The following DNM3 variants were observed in gnomAD, a reference collection of about 807,000 sequenced individuals.
DNM3 encodes the protein dynamin-3.
DNM3 carries 47 observed loss-of-function variants against 101.6 expected under a neutral mutation model. That is an observed-to-expected ratio of 0.46 (90% CI 0.37 to 0.59). The LOEUF is 0.59. Among genes scored for constraint, DNM3 ranks in the 20% least tolerant of loss-of-function variants. The pLI is 0.00. For synonymous variants in DNM3, 385 were observed against 387.9 expected (o/e 0.99, Z 0.09); for missense variants, 849 against 1,085.7 (o/e 0.78, Z 3.06).
At chr1:172,116,870 C>A (rs781250131) in intron 13 of DNM3, among the ~76,000 whole-genome samples, 1 of 152,156 alleles carries the variant, frequency 6.6e-6, no homozygotes, top group South Asian at 2.1e-4. Context: ...TTTCTTAGAA[C>A]GTACTTTGAG....
intron 14 of DNM3, among the ~76,000 whole-genome samples, chr1:172,167,931 T>A (rs943893306): frequency 6.6e-6 from 1 of 152,026 alleles, no homozygotes; most frequent in Non-Finnish European, 1.5e-5. Flanking sequence ...AGATTTTTTT[T>A]AAGTGCAATT....
At chr1:171,873,636 CT>C (rs2035495901) in intron 1 of DNM3, among the ~76,000 whole-genome samples, 2 of 152,136 alleles carry the variant, frequency 1.3e-5, no homozygotes, top group South Asian at 4.1e-4. Flanking sequence ...TTAATTGTGT[CT>C]CATCTCCTCA....
At chr1:171,849,462 G>A (rs2032640384) in intron 1 of DNM3, among the ~76,000 whole-genome samples, 1 of 152,168 alleles carries the variant, frequency 6.6e-6, no homozygotes, top group Non-Finnish European at 1.5e-5. Flanking sequence ...ATTTAGACTG[G>A]ACATTTTTTG....
chr1:172,242,259 A>G (rs1573097068), intron 14 of DNM3, among the ~76,000 whole-genome samples: 1 of 152,228 alleles, frequency 6.6e-6, no homozygotes, highest in Non-Finnish European at 1.5e-5. Flanking sequence ...ACATTTTAGT[A>G]TGTAGACTTT....
intron 13 of DNM3, among the ~76,000 whole-genome samples, chr1:172,101,038 A>G (rs1343900299): frequency 6.6e-6 from 1 of 152,230 alleles, no homozygotes; most frequent in Non-Finnish European, 1.5e-5. Flanking sequence ...CTTAGGCCAC[A>G]TCATATGGGA....
chr1:172,083,580 G>A (rs1006897649), intron 12 of DNM3, among the ~76,000 whole-genome samples: 5 of 152,140 alleles, frequency 3.3e-5, no homozygotes, highest in Non-Finnish European at 7.4e-5. Context: ...CCTTGTTGTG[G>A]TACCACAATT....
intron 2 of DNM3, among the ~76,000 whole-genome samples, chr1:171,932,057 TC>T (rs1279767435): frequency 1.4e-5 from 1 of 73,540 alleles, no homozygotes; most frequent in Non-Finnish European, 2.5e-5. Context: ...TCCCCCACCC[TC>T]CCTCCATTCC....
chr1:172,217,736 G>A (rs1466149266), intron 14 of DNM3, among the ~76,000 whole-genome samples: 2 of 151,958 alleles, frequency 1.3e-5, no homozygotes, highest in Non-Finnish European at 2.9e-5. Flanking sequence ...TTATTCTATG[G>A]TTGACTTCCT....
chr1:171,977,155 A>C (rs2044435625), intron 2 of DNM3, among the ~76,000 whole-genome samples: 1 of 152,242 alleles, frequency 6.6e-6, no homozygotes, highest in Admixed American at 6.5e-5. Context: ...ACTCTTTTTG[A>C]TATTTTCAGT....
chr1:172,134,652 T>C (rs2057119674), intron 14 of DNM3, among the ~76,000 whole-genome samples: 1 of 152,166 alleles, frequency 6.6e-6, no homozygotes, highest in Non-Finnish European at 1.5e-5. Context: ...CCTATTCTTA[T>C]GAAGGCTCTT....
chr1:172,305,509 G>A (rs563876722), intron 15 of DNM3, among the ~76,000 whole-genome samples: 1 of 152,212 alleles, frequency 6.6e-6, no homozygotes, highest in East Asian at 1.9e-4. Flanking sequence ...AGAAAAAGAG[G>A]GAATCCTCCC....
chr1:172,298,993 G>A (rs1176620723), intron 15 of DNM3, among the ~76,000 whole-genome samples: 1 of 151,924 alleles, frequency 6.6e-6, no homozygotes, highest in Non-Finnish European at 1.5e-5. Flanking sequence ...AATAGAAAGG[G>A]GAAAAATGTA....
chr1:171,898,800 A>C (rs1361576940), intron 1 of DNM3, among the ~76,000 whole-genome samples: 2 of 151,326 alleles, frequency 1.3e-5, no homozygotes, highest in Admixed American at 1.3e-4. Context: ...CATATTTACT[A>C]TTCTGTTACC....
chr1:172,397,995 C>T (rs1406956617), intron 20 of DNM3, among the ~76,000 whole-genome samples: 2 of 152,160 alleles, frequency 1.3e-5, no homozygotes, highest in Admixed American at 1.3e-4. Context: ...TCATAGGCTC[C>T]ATTGATATTC....
intron 14 of DNM3, among the ~76,000 whole-genome samples, chr1:172,252,167 G>A (rs929579305): frequency 8.5e-5 from 13 of 152,090 alleles, no homozygotes; most frequent in Non-Finnish European, 1.5e-4. Flanking sequence ...GACATTGTCA[G>A]AACAGCTATT....
intron 16 of DNM3, among the ~76,000 whole-genome samples, chr1:172,318,288 T>A (rs1044057568): frequency 4.6e-5 from 7 of 151,796 alleles, no homozygotes; most frequent in African/African-American, 1.7e-4. Context: ...TCATACTGAA[T>A]GGGCAAAAAC....
intron 17 of DNM3, chr1:172,376,447 G>GA (rs1477492202): frequency 6.6e-6 from 1 of 151,890 alleles, no homozygotes; most frequent in African/African-American, 2.4e-5. Flanking sequence ...TTTAAACAAA[G>GA]AAAAAATATA....
At chr1:171,980,183 T>A (rs2044688558) in intron 2 of DNM3, among the ~76,000 whole-genome samples, 1 of 148,996 alleles carries the variant, frequency 6.7e-6, no homozygotes, top group Non-Finnish European at 1.5e-5. Context: ...AGACTTTCCC[T>A]GTTTATTTTA....
At chr1:171,999,743 A>G (rs1177383694) in intron 4 of DNM3, among the ~76,000 whole-genome samples, 1 of 152,130 alleles carries the variant, frequency 6.6e-6, no homozygotes, top group African/African-American at 2.4e-5. Context: ...CCTAAAATCC[A>G]ATAACTGATA....
Sources: allele counts gnomAD v4.1 joint callset (sites outside exome capture counted in the v4.1 genomes callset), GRCh38; gene constraint gnomAD v4.1.1; transcripts MANE v1.5; gene names NCBI Gene and HGNC (gene_info 2026-07-23, HGNC 2026-07-21).